KANSL1L: variants seen among roughly 807,000 people sequenced by gnomAD.
The protein encoded by KANSL1L is KAT8 regulatory NSL complex subunit 1 like.
KANSL1L carries 25 observed loss-of-function variants against 108.6 expected under a neutral mutation model. That is an observed-to-expected ratio of 0.23 (90% confidence interval 0.17 to 0.32). The LOEUF (loss-of-function observed/expected upper bound fraction) is 0.32. Ranked by LOEUF, KANSL1L falls within the 10% of genes least tolerant of loss-of-function variation. KANSL1L has a pLI of 1.00. For missense variants in KANSL1L, 1,137 were observed against 1,125.7 expected (o/e 1.01, Z -0.14); for synonymous variants, 405 against 395.1 (o/e 1.03, Z -0.30).
intron 2 of KANSL1L, among the ~76,000 whole-genome samples, chr2:210,147,078 G>A (rs568318745): frequency 6.6e-6 from 1 of 152,104 alleles, no homozygotes; most frequent in Non-Finnish European, 1.5e-5. Flanking sequence ...TAAACATCAC[G>A]TTGCTCAAAA....
intron 13 of KANSL1L, among the ~76,000 whole-genome samples, chr2:210,024,469 T>G (rs970319198): frequency 6.6e-6 from 1 of 152,134 alleles, no homozygotes; most frequent in Non-Finnish European, 1.5e-5. Flanking sequence ...GTCTTTTGTC[T>G]GACTAATTAA....
At chr2:210,156,568 A>G (rs1418063558) in intron 1 of KANSL1L, among the ~76,000 whole-genome samples, 1 of 152,154 alleles carries the variant, frequency 6.6e-6, no homozygotes, top group Non-Finnish European at 1.5e-5. Context: ...TAAAATATAT[A>G]TATAGTATAG....
chr2:210,147,106 C>G (rs1190755958), intron 2 of KANSL1L, among the ~76,000 whole-genome samples: 3 of 152,094 alleles, frequency 2.0e-5, no homozygotes, highest in Non-Finnish European at 4.4e-5. Context: ...TTTTTAAAAA[C>G]AAATGAGCTT....
chr2:210,160,099 T>C (rs1211077597), intron 1 of KANSL1L, among the ~76,000 whole-genome samples: 1 of 152,162 alleles, frequency 6.6e-6, no homozygotes, highest in African/African-American at 2.4e-5. Flanking sequence ...CCATATGATG[T>C]CAATAAATGG....
intron 1 of KANSL1L, among the ~76,000 whole-genome samples, chr2:210,159,697 T>C (rs1157554258): frequency 6.6e-6 from 1 of 152,204 alleles, no homozygotes; most frequent in African/African-American, 2.4e-5. Flanking sequence ...CAACAAAATA[T>C]AGAAAGGATA....
chr2:210,091,191 A>C (rs1027990792), intron 5 of KANSL1L, among the ~76,000 whole-genome samples: 1 of 152,172 alleles, frequency 6.6e-6, no homozygotes, highest in African/African-American at 2.4e-5. Flanking sequence ...ATAAGATTTA[A>C]TTCTTTTTGT....
At chr2:210,071,264 TA>T (rs1443485589) in intron 6 of KANSL1L, among the ~76,000 whole-genome samples, 1 of 152,000 alleles carries the variant, frequency 6.6e-6, no homozygotes, top group African/African-American at 2.4e-5. Flanking sequence ...TTTTCATTTT[TA>T]TTTTTTTAAT....
intron 3 of KANSL1L, among the ~76,000 whole-genome samples, chr2:210,125,318 G>A (rs1416699415): frequency 6.6e-6 from 1 of 152,026 alleles, no homozygotes; most frequent in Non-Finnish European, 1.5e-5. Flanking sequence ...AATTAAATTA[G>A]TAATCAAAAA....
At chr2:210,137,174 T>G (rs2095181345) in intron 2 of KANSL1L, among the ~76,000 whole-genome samples, 1 of 152,188 alleles carries the variant, frequency 6.6e-6, no homozygotes, top group African/African-American at 2.4e-5. Flanking sequence ...AGACAGCATT[T>G]TTCATTAGTC....
chr2:210,127,400 A>G (rs2095076038), intron 3 of KANSL1L, among the ~76,000 whole-genome samples: 1 of 152,212 alleles, frequency 6.6e-6, no homozygotes, highest in South Asian at 2.1e-4. Context: ...TTTCTTAGCT[A>G]TGACACCAAA....
At chr2:210,168,993 G>GA (rs1312332823) in intron 1 of KANSL1L, among the ~76,000 whole-genome samples, 2 of 152,058 alleles carry the variant, frequency 1.3e-5, no homozygotes, top group East Asian at 3.8e-4. Flanking sequence ...AGATTAGAGT[G>GA]AAAAAATTTA....
chr2:210,107,596 T>C (rs538565542), intron 3 of KANSL1L, among the ~76,000 whole-genome samples: 65 of 151,672 alleles, frequency 4.3e-4, no homozygotes, highest in African/African-American at 1.4e-3. Context: ...TGGCGCAATC[T>C]TGACTCACTG....
chr2:210,135,241 A>C (rs1393325755), intron 2 of KANSL1L, among the ~76,000 whole-genome samples: 1 of 152,112 alleles, frequency 6.6e-6, no homozygotes, highest in African/African-American at 2.4e-5. Context: ...CAGAAACCCG[A>C]TATAGAGGAC....
chr2:210,030,576 G>A (rs771223724), intron 9 of KANSL1L, among the ~76,000 whole-genome samples: 7 of 143,860 alleles, frequency 4.9e-5, no homozygotes, highest in Non-Finnish European at 7.5e-5. Flanking sequence ...ATATGTATGC[G>A]TTTACTTACT....
intron 1 of KANSL1L, among the ~76,000 whole-genome samples, chr2:210,162,222 G>GTATACA (rs71395573): frequency 9.3e-6 from 1 of 107,474 alleles, no homozygotes; most frequent in African/African-American, 3.5e-5. Flanking sequence ...AGTGGTTCAG[G>GTATACA]TATATATATA....
At chr2:210,130,122 G>A (rs562092481) in intron 2 of KANSL1L, among the ~76,000 whole-genome samples, 91 of 152,090 alleles carry the variant, frequency 6.0e-4, no homozygotes, top group Non-Finnish European at 1.1e-3. Context: ...ACTGTAGAAC[G>A]CCAAGAGTGA....
At chr2:210,119,592 T>C (rs1425380153) in intron 3 of KANSL1L, among the ~76,000 whole-genome samples, 3 of 152,176 alleles carry the variant, frequency 2.0e-5, no homozygotes, top group African/African-American at 7.2e-5. Flanking sequence ...AAAATCCATA[T>C]GGTCATTTCA....
chr2:210,030,216 T>G (rs1376681794), intron 9 of KANSL1L, among the ~76,000 whole-genome samples: 6 of 151,986 alleles, frequency 3.9e-5, no homozygotes, highest in Non-Finnish European at 7.4e-5. Flanking sequence ...TATTCATAGT[T>G]GAACCACCAG....
At chr2:210,160,067 A>C (rs1159785943) in intron 1 of KANSL1L, among the ~76,000 whole-genome samples, 1 of 152,182 alleles carries the variant, frequency 6.6e-6, no homozygotes, top group African/African-American at 2.4e-5. Flanking sequence ...AAAATTCACC[A>C]TATCAATAGA....
Sources: allele counts gnomAD v4.1 joint callset (sites outside exome capture counted in the v4.1 genomes callset), GRCh38; gene constraint gnomAD v4.1.1; transcripts MANE v1.5; gene names NCBI Gene and HGNC (gene_info 2026-07-23, HGNC 2026-07-21).